TRDN: variants seen among roughly 807,000 people sequenced by gnomAD.
TRDN encodes the protein triadin in skeletal muscle.
Under a neutral mutation model 149.7 loss-of-function variants are expected in TRDN, and 161 were observed. That is an observed-to-expected ratio of 1.08 (90% CI 0.95 to 1.23). The LOEUF (loss-of-function observed/expected upper bound fraction) is 1.23. TRDN is among the 50% of genes most tolerant of loss of function. TRDN has a pLI of 0.00. For missense variants in TRDN, 896 were observed against 823.5 expected, an observed-to-expected ratio of 1.09 and a Z score of -1.08; for synonymous variants, 294 against 250.5, an observed-to-expected ratio of 1.17 and a Z score of -1.64.
At chr6:123,303,150 C>G (rs1778489275) in intron 24 of TRDN, among the ~76,000 whole-genome samples, 1 of 152,120 alleles carries the variant, frequency 6.6e-6, no homozygotes, top group Non-Finnish European at 1.5e-5. Context: ...ATGATGTAAA[C>G]CACTCCATAT....
At chr6:123,603,662 T>G (rs1784382992) in intron 1 of TRDN, among the ~76,000 whole-genome samples, 1 of 152,162 alleles carries the variant, frequency 6.6e-6, no homozygotes, top group Non-Finnish European at 1.5e-5. Context: ...TACTCCTTAA[T>G]TTTTAAAGAT....
At chr6:123,559,731 A>G (rs2114491744) in intron 2 of TRDN, among the ~76,000 whole-genome samples, 1 of 152,300 alleles carries the variant, frequency 6.6e-6, no homozygotes, top group Non-Finnish European at 1.5e-5. Flanking sequence ...TACCTGTCCT[A>G]AAACCAGACA....
At chr6:123,570,386 A>G (rs896349203) in intron 2 of TRDN, among the ~76,000 whole-genome samples, 2 of 152,222 alleles carry the variant, frequency 1.3e-5, no homozygotes, top group African/African-American at 4.8e-5. Context: ...GAACAATTAT[A>G]TGTAATTTTG....
chr6:123,239,920 T>C (rs1243860629), intron 38 of TRDN, among the ~76,000 whole-genome samples: 3 of 151,988 alleles, frequency 2.0e-5, no homozygotes, highest in South Asian at 2.1e-4. Flanking sequence ...ATGTGTATGT[T>C]CACAAAGTAA....
intron 20 of TRDN, among the ~76,000 whole-genome samples, chr6:123,363,927 A>G (rs894344423): frequency 6.6e-6 from 1 of 152,182 alleles, no homozygotes; most frequent in Non-Finnish European, 1.5e-5. Context: ...AACAGGCTGT[A>G]ATCTACTCTT....
chr6:123,294,109 T>C (rs1356984895), intron 24 of TRDN, among the ~76,000 whole-genome samples: 2 of 152,196 alleles, frequency 1.3e-5, no homozygotes, highest in Non-Finnish European at 2.9e-5. Context: ...TAGACTAGTG[T>C]TGGATTATTT....
chr6:123,611,323 A>G (rs1784798159), intron 1 of TRDN, among the ~76,000 whole-genome samples: 1 of 152,176 alleles, frequency 6.6e-6, no homozygotes, highest in African/African-American at 2.4e-5. Context: ...TATTCACAAG[A>G]TATGAGAGGG....
intron 9 of TRDN, among the ~76,000 whole-genome samples, chr6:123,480,447 T>G (rs995423615): frequency 6.6e-6 from 1 of 152,092 alleles, no homozygotes; most frequent in Non-Finnish European, 1.5e-5. Context: ...ACAGAAGAGA[T>G]ATCAGTTCTC....
intron 4 of TRDN, among the ~76,000 whole-genome samples, chr6:123,533,561 C>T (rs1303162337): frequency 6.6e-6 from 1 of 152,050 alleles, no homozygotes; most frequent in Non-Finnish European, 1.5e-5. Flanking sequence ...CATCAGAAAA[C>T]AGATGAAAGA....
chr6:123,571,652 A>G (rs1158265231), intron 1 of TRDN, among the ~76,000 whole-genome samples: 3 of 152,174 alleles, frequency 2.0e-5, no homozygotes, highest in Non-Finnish European at 2.9e-5. Context: ...TAAAATAAAT[A>G]GATAAGCAGA....
chr6:123,409,856 A>C (rs925866287), intron 12 of TRDN, among the ~76,000 whole-genome samples: 2 of 152,142 alleles, frequency 1.3e-5, no homozygotes, highest in Admixed American at 6.5e-5. Flanking sequence ...TATTTTATGA[A>C]AGTAACAACT....
At chr6:123,354,143 C>A (rs1020442226) in intron 20 of TRDN, among the ~76,000 whole-genome samples, 2 of 151,726 alleles carry the variant, frequency 1.3e-5, no homozygotes, top group African/African-American at 4.8e-5. Flanking sequence ...ATCAAATTCC[C>A]TTGAAGGGCA....
At chr6:123,466,920 T>A (rs1776854001) in intron 9 of TRDN, among the ~76,000 whole-genome samples, 1 of 152,236 alleles carries the variant, frequency 6.6e-6, no homozygotes, top group Admixed American at 6.5e-5. Context: ...TATAGTCTTT[T>A]ATAGTCTTGA....
chr6:123,379,406 A>G (rs1458513910), intron 16 of TRDN, among the ~76,000 whole-genome samples: 1 of 152,216 alleles, frequency 6.6e-6, no homozygotes, highest in Non-Finnish European at 1.5e-5. Context: ...CTAAAATTAA[A>G]CAAAATGAGA....
intron 12 of TRDN, among the ~76,000 whole-genome samples, chr6:123,412,948 A>C (rs992982758): frequency 3.6e-4 from 55 of 152,190 alleles, no homozygotes; most frequent in African/African-American, 1.0e-3. Context: ...TCCCCAAAAA[A>C]TATCTAAAAT....
chr6:123,365,991 G>A, intron 20 of TRDN, 144 bp downstream of exon 20: 1 of 648,390 alleles, frequency 1.5e-6, no homozygotes, highest in Non-Finnish European at 2.6e-6. Flanking sequence ...ATAAAATCTT[G>A]TGCAAAATAG....
In TRDN at chr6:123,232,464, T is replaced by G. The variant is rs1185638430; in HGVS notation, c.1976-8333A>C. On this transcript the variant is annotated intron_variant, in intron 38 of 40. Coordinates refer to ENST00000334268, the MANE Select transcript of TRDN (RefSeq NM_006073.4). Reference sequence around the variant, plus strand: ...AGAGTAGAGAGAAATTGCTAGGAGATCTAGTTCAGAAGTGGCTGCAAATGC... The same window carrying G: ...AGAGTAGAGAGAAATTGCTAGGAGAGCTAGTTCAGAAGTGGCTGCAAATGC... Among the ~76,000 whole-genome samples the G allele has an allele frequency of 2.0e-5, 3 of 152,000 alleles. No homozygotes were observed. In the East Asian group the frequency reaches 5.8e-4, roughly 30 times the overall value.
intron 1 of TRDN, among the ~76,000 whole-genome samples, chr6:123,612,448 T>C (rs1049466978): frequency 6.0e-5 from 9 of 149,694 alleles, no homozygotes; most frequent in Non-Finnish European, 1.0e-4. Flanking sequence ...AGAACAGCAA[T>C]CCAAAAAAAA....
At chr6:123,293,926 G>T (rs1177605005) in intron 24 of TRDN, among the ~76,000 whole-genome samples, 1 of 152,076 alleles carries the variant, frequency 6.6e-6, no homozygotes, top group Non-Finnish European at 1.5e-5. Flanking sequence ...GTTGATTCCG[G>T]CAGGAATCAA....
Sources: gnomAD v4.1 joint callset for allele counts (sites outside exome capture counted in the v4.1 genomes callset) on GRCh38, gnomAD v4.1.1 for gene constraint, MANE v1.5 for transcripts, NCBI Gene and HGNC (gene_info 2026-07-23, HGNC 2026-07-21) for gene names.